Variants in NRG2 observed in about 807,000 individuals in gnomAD.
NRG2 encodes pro-neuregulin-2, membrane-bound isoform.
Under a neutral mutation model 73.9 loss-of-function variants are expected in NRG2, and 27 were observed. The ratio of observed to expected loss-of-function variants is 0.37; its 90% CI spans 0.27 to 0.50. The LOEUF (loss-of-function observed/expected upper bound fraction) is 0.50, where lower values mean the gene tolerates loss of function less well. Among genes scored for constraint, NRG2 ranks in the 20% least tolerant of loss-of-function variants. The pLI is 0.96. For synonymous variants in NRG2, 532 were observed against 541.0 expected (o/e 0.98, Z 0.23); for missense variants, 1,126 against 1,210.1 (o/e 0.93, Z 1.03).
chr5:140,043,177 C>T lies in NRG2; in HGVS notation c.-108G>A. On this transcript the variant is annotated 5_prime_UTR_variant, in exon 1 of 10. Transcript: ENST00000361474. This position sits in a 1 kb window ranked among gnomAD's most constrained non-coding sequence, Gnocchi z 6.7. The stretch of plus-strand genomic sequence containing the variant: ...CAGCGTAACGTTAGCGCCTCTTAGC[C>T]CTCCACCGGCAGCCCGGGGAGGTGG... 1.5e-6 allele frequency: 2 copies of T among 1,305,016 alleles called. No individual in the cohort carries two copies. The highest frequency in any genetic ancestry group is 2.0e-6 in the Non-Finnish European group (2 of 980,244). The allele number at this position is 1,305,016 out of a possible 1,614,324, so 80.8% of individuals were successfully genotyped here.
chr5:139,870,546 A>C lies in NRG2; in HGVS notation c.1112+1175T>G, dbSNP rs946877942. Among the ~76,000 whole-genome samples, 1 of 152,142 alleles carries C rather than the reference A, an allele frequency of 6.6e-6. No individual in the cohort carries two copies. Among genetic ancestry groups the C allele is most frequent in the Admixed American group, 6.5e-5 (1 of 15,282 alleles). ...CGGGAGATCAGAGGCAGGGGAGCTG[A>C]GAAGTGTTGAGTCTGACCTTGCCTG... On this transcript the variant is annotated intron_variant, in intron 4 of 9. Transcript: ENST00000361474. The surrounding 1 kb of genome is among the most constrained non-coding windows in gnomAD (Gnocchi z 4.4).
chr5:139,981,951 G>A (rs1756831727), intron 1 of NRG2, among the ~76,000 whole-genome samples: 1 of 152,174 alleles, frequency 6.6e-6, no homozygotes, highest in Admixed American at 6.5e-5. Flanking sequence ...TAGGGGTGGC[G>A]CTGGAGAAAG....
intron 1 of NRG2, among the ~76,000 whole-genome samples, chr5:140,037,244 G>A (rs1313774417): frequency 6.6e-6 from 1 of 152,208 alleles, no homozygotes; most frequent in East Asian, 1.9e-4. Context: ...CACCAAGCGT[G>A]TGAAACAATA....
At chr5:139,923,714 C>G (rs1376845964) in intron 1 of NRG2, among the ~76,000 whole-genome samples, 2 of 152,116 alleles carry the variant, frequency 1.3e-5, no homozygotes, top group Non-Finnish European at 2.9e-5. Flanking sequence ...AAGGTCTCAC[C>G]CAAACCCAGA....
At chr5:139,923,295 T>C (rs961250519) in intron 1 of NRG2, among the ~76,000 whole-genome samples, 2 of 152,124 alleles carry the variant, frequency 1.3e-5, no homozygotes, top group African/African-American at 2.4e-5. Context: ...AAAAAAGCAA[T>C]TGACAATTAT....
At chr5:140,029,179 G>A (rs1396197235) in intron 1 of NRG2, among the ~76,000 whole-genome samples, 3 of 152,112 alleles carry the variant, frequency 2.0e-5, no homozygotes, top group Admixed American at 6.5e-5. Context: ...TTCCATTTTG[G>A]GGTGTTTTGC....
intron 1 of NRG2, among the ~76,000 whole-genome samples, chr5:139,940,768 A>G (rs1753333161): frequency 6.6e-6 from 1 of 152,208 alleles, no homozygotes; most frequent in East Asian, 1.9e-4. Flanking sequence ...ATAAGAATTC[A>G]GTGTCTGGAG....
In NRG2 at chr5:139,863,655, AGCTCTGCCTAG is replaced by A. The variant is rs570231064; in HGVS notation, c.1189+1883_1189+1893del. Among the ~76,000 whole-genome samples the A allele has an allele frequency of 5.1e-4, 77 of 152,262 alleles. No individual in the cohort carries two copies. In the East Asian group the frequency reaches 0.011, roughly 21 times the overall value. On this transcript the variant is annotated intron_variant, in intron 5 of 9. Transcript: ENST00000361474. ...CCACTGTCTCTTGCCCCTGGCCCCC[AGCTCTGCCTAG>A]GCTCTGCCTTCTCTTGAGGTCCCTC...
chr5:139,848,393 G>C lies in NRG2; in HGVS notation c.2077C>G (p.Leu693Val). 5 of 1,256,002 alleles carry C rather than the reference G, an allele frequency of 4.0e-6. No individual in the cohort carries two copies. The highest frequency in any genetic ancestry group is 5.0e-6 in the Non-Finnish European group (5 of 1,007,292). The allele number at this position is 1,256,002 out of a possible 1,614,324, so 77.8% of individuals were successfully genotyped here. A position where few individuals can be genotyped will look rare whatever the true frequency, so the allele number is the denominator to read the frequency against. ...GPGPRRGTCA[L>V]GGSLGSLPAS... ...GGCAGGCTGCCCAGGCTGCCGCCGA[G>C]CGCGCAGGTCCCGCGCCGCGGTCCG... is the stretch of plus-strand genomic sequence containing the variant. The change falls in exon 10 of 10, where the codon CTC becomes GTC. Residue 693 changes from leucine to valine, a missense_variant. By Grantham distance (32) the Leu-to-Val change is conservative. Coordinates refer to ENST00000361474, the MANE Select transcript of NRG2 (RefSeq NM_004883.3).
intron 5 of NRG2, among the ~76,000 whole-genome samples, chr5:139,863,285 T>C (rs957239249): frequency 6.6e-5 from 10 of 152,270 alleles, no homozygotes; most frequent in Non-Finnish European, 7.3e-5. Context: ...GCCAGCACTT[T>C]ACACTACCTT....
In NRG2 at chr5:139,982,382, A is replaced by G. The variant is rs554134754; in HGVS notation, c.700+59988T>C. Reference sequence around the variant, plus strand: ...CCTGCCCTCTTTACGGTGGATCCAAACCGCCAGGACTGTGTCCTGGCCCCC... The same window carrying G: ...CCTGCCCTCTTTACGGTGGATCCAAGCCGCCAGGACTGTGTCCTGGCCCCC... On this transcript the variant is annotated intron_variant, in intron 1 of 9. Coordinates refer to ENST00000361474, the MANE Select transcript of NRG2 (RefSeq NM_004883.3). Among the ~76,000 whole-genome samples, 156 of 151,734 alleles carry G rather than the reference A, an allele frequency of 1.0e-3. 1 individual carries two copies. The highest frequency in any genetic ancestry group is 3.4e-3 in the African/African-American group (142 of 41,350).
chr5:140,000,349 C>G (rs1053798396), intron 1 of NRG2, among the ~76,000 whole-genome samples: 1 of 152,218 alleles, frequency 6.6e-6, no homozygotes, highest in South Asian at 2.1e-4. Context: ...CTCCCTTCCT[C>G]GAGCTTTTGC....
chr5:139,914,825 C>T (rs922444965), intron 1 of NRG2, among the ~76,000 whole-genome samples: 1 of 152,220 alleles, frequency 6.6e-6, no homozygotes, highest in Non-Finnish European at 1.5e-5. Context: ...CTCAGCTTGC[C>T]CTACAGCTCC....
At chr5:139,859,184 TAGTAGCAGGTGGC>T (rs1402341641) in intron 5 of NRG2, among the ~76,000 whole-genome samples, 4 of 151,838 alleles carry the variant, frequency 2.6e-5, no homozygotes, top group African/African-American at 9.7e-5. Context: ...CAGAGGGTGG[TAGTAGCAGGTGGC>T]AGGAGGACAT....
rs1249545219 is a variant in NRG2, at chr5:139,865,677, G to A, written c.1113-52C>T. ...CAGAACAAACTGGCATCATCCGCGA[G>A]GCTAAGGTTAGAAATCAAAGTGCAC... is the stretch of plus-strand genomic sequence containing the variant. On this transcript the variant is annotated intron_variant, in intron 4 of 9. Coordinates refer to ENST00000361474, the MANE Select transcript of NRG2 (RefSeq NM_004883.3). The surrounding 1 kb of genome is among the most constrained non-coding windows in gnomAD (Gnocchi z 5.2). 1 of 1,493,934 alleles carries A rather than the reference G, an allele frequency of 6.7e-7. No individual in the cohort carries two copies. The highest frequency in any genetic ancestry group is 1.2e-5 in the South Asian group (1 of 85,278). The allele number at this position is 1,493,934 out of a possible 1,614,324, so 92.5% of individuals were successfully genotyped here. A position where few individuals can be genotyped will look rare whatever the true frequency, so the allele number is the denominator to read the frequency against.
At chr5:139,960,625 T>C (rs1232290057) in intron 1 of NRG2, among the ~76,000 whole-genome samples, 2 of 152,226 alleles carry the variant, frequency 1.3e-5, no homozygotes, top group Non-Finnish European at 2.9e-5. Flanking sequence ...TGTGATTCAG[T>C]TTCCTCATCT....
At position 139,892,655 on chromosome 5, in the gene NRG2, G is replaced by A. The variant is rs772162088; in HGVS notation, c.701-5144C>T. On this transcript the variant is annotated intron_variant, in intron 1 of 9. Coordinates refer to ENST00000361474, the MANE Select transcript of NRG2 (RefSeq NM_004883.3). ...CTAGTGTATGGGTATAGAGATCATC[G>A]CACCATGTCTCAAGAATGTCTTGGG... Among the ~76,000 whole-genome samples the A allele has an allele frequency of 5.3e-5, 8 of 152,098 alleles. No individual in the cohort carries two copies. The South Asian group carries it at 6.2e-4, about 12-fold the overall frequency.
rs1344045210 is a variant in NRG2 at position 139,938,957 on chromosome 5, GAAA to G, written c.701-51449_701-51447del. On this transcript the variant is annotated intron_variant, in intron 1 of 9. Transcript: ENST00000361474. Reference sequence around the variant, plus strand: ...AGAAAGAAAGAAAGAAAGAAAGAAAGAAAAAAGAAGGAAGGAAGGGAAGGAAGG... The same window carrying G: ...AGAAAGAAAGAAAGAAAGAAAGAAAGAAAGAAGGAAGGAAGGGAAGGAAGG... Among the ~76,000 whole-genome samples the G allele has an allele frequency of 2.8e-3, 303 of 107,400 alleles. 1 individual carries two copies. Among genetic ancestry groups the G allele is most frequent in the African/African-American group, 0.01 (281 of 27,874 alleles). The allele number at this position is 107,400 out of a possible 152,430, so 70.5% of individuals were successfully genotyped here. A position where few individuals can be genotyped will look rare whatever the true frequency, so the allele number is the denominator to read the frequency against.
intron 6 of NRG2, among the ~76,000 whole-genome samples, chr5:139,854,086 A>T (rs1358296197): frequency 6.6e-6 from 1 of 152,204 alleles, no homozygotes; most frequent in Admixed American, 6.5e-5. Context: ...AAGTACCCGC[A>T]AAAATGAAAA....
Sources: gnomAD v4.1 joint callset for allele counts (sites outside exome capture counted in the v4.1 genomes callset) on GRCh38, gnomAD v4.1.1 for gene constraint, Gnocchi (gnomAD v3.1) non-coding constraint, MANE v1.5 for transcripts, NCBI Gene and HGNC (gene_info 2026-07-23, HGNC 2026-07-21) for gene names.